The following MAGI1 variants were observed in gnomAD, a reference collection of about 807,000 sequenced individuals.
The protein encoded by MAGI1 is membrane-associated guanylate kinase, WW and PDZ domain-containing protein 1.
Under a neutral mutation model 139.9 loss-of-function variants are expected in MAGI1, and 58 were observed. The ratio of observed to expected loss-of-function variants is 0.41; its 90% CI spans 0.34 to 0.52. The LOEUF (loss-of-function observed/expected upper bound fraction) is 0.52, where lower values mean the gene tolerates loss of function less well. MAGI1 is among the 20% of genes least tolerant of loss of function. The pLI is 0.12. For synonymous variants in MAGI1, 812 were observed against 737.9 expected, an observed-to-expected ratio of 1.10 and a Z score of -1.63; for missense variants, 1,874 against 1,901.6, an observed-to-expected ratio of 0.99 and a Z score of 0.27.
intron 1 of MAGI1, among the ~76,000 whole-genome samples, chr3:65,820,170 A>G (rs905570198): frequency 6.6e-6 from 1 of 152,168 alleles, no homozygotes; most frequent in Non-Finnish European, 1.5e-5. Context: ...AAAGTGAGAA[A>G]AAAAAACTGC....
At position 65,368,991 on chromosome 3, in the gene MAGI1, T is replaced by C. The variant is rs1361944355; in HGVS notation, c.3197-4045A>G. ...CACTCCATGGGGCATCTCCATACAA[T>C]GCAAATGTTGTTTGACTTCTTAGAT... On this transcript the variant is annotated intron_variant, in intron 18 of 22. Coordinates refer to ENST00000402939, the MANE Select transcript of MAGI1 (RefSeq NM_001033057.2). Among the ~76,000 whole-genome samples the C allele has an allele frequency of 2.0e-5, 3 of 152,226 alleles. No homozygotes were observed. In the East Asian group the frequency reaches 5.8e-4, roughly 29 times the overall value.
chr3:65,851,667 T>C (rs752605774), intron 1 of MAGI1, among the ~76,000 whole-genome samples: 32 of 152,146 alleles, frequency 2.1e-4, no homozygotes, highest in Middle Eastern at 6.8e-3. Flanking sequence ...GAGAATCGCT[T>C]GAACCCAGGA....
chr3:66,038,299 C>A lies in MAGI1; in HGVS notation c.10G>T (p.Val4Leu). ...GTCCAGTGGTTCTTCTTCTGGATCA[C>A]TTTGGACATGATGAGTTACACCCCT... MSK[V>L]IQKKNHWTSR... is the part of the protein sequence containing the mutation. Residue 4 changes from valine to leucine, a missense_variant, in exon 1 of 23, where the codon GTG becomes TTG. Val to Leu is a conservative substitution (Grantham distance 32). This residue lies in a region of MAGI1 where 648 missense variants were observed against 598.1 expected (regional missense o/e 1.08). Coordinates refer to ENST00000402939, the MANE Select transcript of MAGI1 (RefSeq NM_001033057.2). The A allele has an allele frequency of 6.3e-7, 1 of 1,580,492 alleles. No homozygotes were observed.
chr3:66,028,833 A>G (rs931843521), intron 1 of MAGI1, among the ~76,000 whole-genome samples: 4 of 152,148 alleles, frequency 2.6e-5, no homozygotes, highest in Admixed American at 2.0e-4. Context: ...AATCAAGCAG[A>G]AAAAAGAGTG....
At chr3:66,006,711 C>G (rs1186053949) in intron 1 of MAGI1, among the ~76,000 whole-genome samples, 1 of 152,184 alleles carries the variant, frequency 6.6e-6, no homozygotes, top group Non-Finnish European at 1.5e-5. Context: ...TATCAACACA[C>G]AGACACATAA....
chr3:65,462,779 CCT>C (rs1949901399), intron 5 of MAGI1, among the ~76,000 whole-genome samples: 1 of 152,132 alleles, frequency 6.6e-6, no homozygotes, highest in Non-Finnish European at 1.5e-5. Context: ...TTATTTGTGT[CCT>C]CTCTTATCTC....
chr3:65,445,640 A>G (rs1368480853), intron 7 of MAGI1, among the ~76,000 whole-genome samples: 1 of 152,158 alleles, frequency 6.6e-6, no homozygotes, highest in Non-Finnish European at 1.5e-5. Context: ...CCACATGGAT[A>G]CCCTATAATT....
intron 1 of MAGI1, among the ~76,000 whole-genome samples, chr3:65,690,469 ACT>A (rs949720932): frequency 6.6e-5 from 10 of 151,226 alleles, no homozygotes; most frequent in South Asian, 2.1e-4. Context: ...TAAATATACA[ACT>A]CTTTTTTCTT....
intron 2 of MAGI1, among the ~76,000 whole-genome samples, chr3:65,568,391 T>C (rs2080779760): frequency 6.6e-6 from 1 of 152,188 alleles, no homozygotes. Flanking sequence ...TTCCTTGTTA[T>C]GGTTGATCAG....
chr3:65,939,928 A>G (rs968274224), intron 1 of MAGI1, among the ~76,000 whole-genome samples: 14 of 152,214 alleles, frequency 9.2e-5, no homozygotes, highest in South Asian at 2.1e-4. Flanking sequence ...AAGGAAGAAT[A>G]AAACAAGAAG....
chr3:65,605,021 T>A (rs1025464857), intron 2 of MAGI1, among the ~76,000 whole-genome samples: 1 of 152,188 alleles, frequency 6.6e-6, no homozygotes, highest in Admixed American at 6.5e-5. Context: ...AAATGACTCA[T>A]GCCATGAAAA....
At chr3:65,716,748 G>A (rs1459829163) in intron 1 of MAGI1, among the ~76,000 whole-genome samples, 1 of 152,162 alleles carries the variant, frequency 6.6e-6, no homozygotes, top group Non-Finnish European at 1.5e-5. Context: ...AGTACACATG[G>A]AGGACCCATC....
At chr3:65,563,030 T>A (rs1387058607) in intron 2 of MAGI1, among the ~76,000 whole-genome samples, 2 of 152,214 alleles carry the variant, frequency 1.3e-5, no homozygotes, top group Non-Finnish European at 2.9e-5. Flanking sequence ...GTAAACACAC[T>A]TGCAAACCAA....
At chr3:66,019,212 G>A (rs1296771032) in intron 1 of MAGI1, among the ~76,000 whole-genome samples, 1 of 152,188 alleles carries the variant, frequency 6.6e-6, no homozygotes, top group Non-Finnish European at 1.5e-5. Context: ...GATGGTGAGT[G>A]AATCTATGGG....
At chr3:65,444,741 T>C (rs1224578861) in intron 7 of MAGI1, among the ~76,000 whole-genome samples, 2 of 152,136 alleles carry the variant, frequency 1.3e-5, no homozygotes, top group Non-Finnish European at 2.9e-5. Context: ...ACTTCTTTTC[T>C]AGTGCCTAGT....
chr3:66,028,320 A>G (rs1164456237), intron 1 of MAGI1, among the ~76,000 whole-genome samples: 1 of 152,212 alleles, frequency 6.6e-6, no homozygotes, highest in East Asian at 1.9e-4. Context: ...CTTAAGAGCC[A>G]GGCAGGGTAG....
intron 1 of MAGI1, among the ~76,000 whole-genome samples, chr3:65,795,379 C>T (rs1443287590): frequency 2.0e-5 from 3 of 152,110 alleles, no homozygotes; most frequent in Non-Finnish European, 4.4e-5. Context: ...TGCTGATACA[C>T]ACAGTAACCT....
At chr3:65,393,476 A>C (rs1024217297) in intron 13 of MAGI1, among the ~76,000 whole-genome samples, 1 of 152,174 alleles carries the variant, frequency 6.6e-6, no homozygotes, top group Admixed American at 6.5e-5. Context: ...ACAAAATTTA[A>C]AGTCATTTTC....
chr3:65,454,546 TAATAATAATAAA>T (rs1320588246), intron 5 of MAGI1, among the ~76,000 whole-genome samples: 3 of 145,512 alleles, frequency 2.1e-5, no homozygotes, highest in African/African-American at 7.8e-5. Context: ...ATAATAATAA[TAATAATAATAAA>T]AAAATACTTG....
Sources: allele counts gnomAD v4.1 joint callset (sites outside exome capture counted in the v4.1 genomes callset), GRCh38; gene constraint gnomAD v4.1.1; regional missense constraint gnomAD v4.1.1; transcripts MANE v1.5; gene names NCBI Gene and HGNC (gene_info 2026-07-23, HGNC 2026-07-21).